Variants in KCTD15 observed in about 807,000 individuals in gnomAD.
KCTD15 encodes BTB/POZ domain-containing protein KCTD15.
In KCTD15, 11 loss-of-function variants were observed where a neutral mutation model predicts 27.2. The observed-to-expected ratio is 0.41, with a 90% CI of 0.25 to 0.67. The LOEUF is 0.67. Ranked by LOEUF, KCTD15 falls within the 30% of genes least tolerant of loss-of-function variation. The pLI is 0.35. For synonymous variants in KCTD15, 163 were observed against 176.0 expected, an observed-to-expected ratio of 0.93 and a Z score of 0.58; for missense variants, 350 against 409.3, an observed-to-expected ratio of 0.86 and a Z score of 1.25.
chr19:33,801,099 C>G, intron 3 of KCTD15, 68 bp from the exon 4 acceptor site: 1 of 1,428,452 alleles, frequency 7.0e-7, no homozygotes, highest in South Asian at 1.3e-5. Context: ...GAGTGCATGG[C>G]TGTGTTGTGG....
chr19:33,812,849 G>A lies in KCTD15; in HGVS notation c.753G>A (p.Val251=). 2 of 1,540,082 alleles carry A rather than the reference G, an allele frequency of 1.3e-6. No homozygotes were observed. Among genetic ancestry groups the A allele is most frequent in the Non-Finnish European group, 8.8e-7 (1 of 1,141,222 alleles). Residue 251 remains valine (V), a synonymous_variant, in exon 7 of 7, where the codon GTG becomes GTA. Coordinates refer to ENST00000683859, the MANE Select transcript of KCTD15 (RefSeq NM_001129994.2). The stretch of plus-strand genomic sequence containing the variant: ...TGGCTGCGTCCTGTGGGGGCGGTGT[G>A]GACTCCTCCCAGTTCAGCGAGTATG... ...FSVAASCGGG[V]DSSQFSEYVL...
intron 6 of KCTD15, chr19:33,811,900 A>G: frequency 6.3e-7 from 1 of 1,579,442 alleles, no homozygotes; most frequent in Non-Finnish European, 8.6e-7. Flanking sequence ...GAGGCAGGAC[A>G]GAGGCTGAGT....
At chr19:33,807,908 T>C (rs1418893148) in intron 5 of KCTD15, among the ~76,000 whole-genome samples, 2 of 151,042 alleles carry the variant, frequency 1.3e-5, no homozygotes, top group Non-Finnish European at 2.9e-5. Flanking sequence ...ATCACGTCAC[T>C]GCACTCCAGC....
rs1287469346 is a variant in KCTD15 at position 33,813,051 on chromosome 19, G to A, written c.*103G>A. ...CCGTGGGCATGAGACCGAGGGTGAG[G>A]CTGGAGGGTCCAAAGCTGGCCCAGC... On this transcript the variant is annotated 3_prime_UTR_variant, in exon 7 of 7. Transcript: ENST00000683859. 1 of 1,256,552 alleles carries A rather than the reference G, an allele frequency of 8.0e-7. No homozygotes were observed. The highest frequency in any genetic ancestry group is 1.3e-5 in the South Asian group (1 of 76,318). The allele number at this position is 1,256,552 out of a possible 1,614,324, so 77.8% of individuals were successfully genotyped here.
rs1403643386 is a variant in KCTD15 at position 33,815,151 on chromosome 19, A to C, written c.*2203A>C. ...GTGGTAGAGATTCTCGAACATTCTCAAACTCTCTTTTTGGGTAAATGATTG... is the reference window on the plus strand; with the variant it reads ...GTGGTAGAGATTCTCGAACATTCTCCAACTCTCTTTTTGGGTAAATGATTG... On this transcript the variant is annotated 3_prime_UTR_variant, in exon 7 of 7. Transcript: ENST00000683859. The C allele has an allele frequency of 6.6e-6, 1 of 152,222 alleles. No homozygotes were observed. Among genetic ancestry groups the C allele is most frequent in the Non-Finnish European group, 1.5e-5 (1 of 68,042 alleles). The allele number at this position is 152,222 out of a possible 1,614,324, so 9.4% of individuals were successfully genotyped here.
rs1039083697 is a variant in KCTD15, at chr19:33,813,575, G to A, written c.*627G>A. The stretch of plus-strand genomic sequence containing the variant: ...CTGCAGGGCTGCTGGGAGGAGAGTG[G>A]TGGGGGCCTGAGGGCTGAGTGATTC... On this transcript the variant is annotated 3_prime_UTR_variant, in exon 7 of 7. Transcript: ENST00000683859. 3 of 357,088 alleles carry A rather than the reference G, an allele frequency of 8.4e-6. No homozygotes were observed. The highest frequency in any genetic ancestry group is 4.3e-5 in the African/African-American group (2 of 46,530). 22.1% of individuals were successfully genotyped at this position (357,088 alleles called of 1,614,324 possible). A position where few individuals can be genotyped will look rare whatever the true frequency, so the allele number is the denominator to read the frequency against.
intron 3 of KCTD15, among the ~76,000 whole-genome samples, chr19:33,800,847 C>G (rs1975513053): frequency 6.6e-6 from 1 of 152,180 alleles, no homozygotes; most frequent in South Asian, 2.1e-4. Flanking sequence ...AACACATAAG[C>G]CCACGACCTT....
intron 6 of KCTD15, chr19:33,812,129 C>A (rs770125142): frequency 1.6e-6 from 2 of 1,267,404 alleles, no homozygotes; most frequent in South Asian, 4.7e-5. Flanking sequence ...GGGAAGAGGG[C>A]CCCCTGTGCA....
intron 1 of KCTD15, among the ~76,000 whole-genome samples, chr19:33,797,864 G>A (rs1008549212): frequency 1.2e-4 from 19 of 152,280 alleles, no homozygotes; most frequent in Admixed American, 1.1e-3. Context: ...GAACAAAAGC[G>A]CTTTTACGTC....
In KCTD15 at chr19:33,815,141, G is replaced by A. The variant is rs973139022; in HGVS notation, c.*2193G>A. Reference sequence around the variant, plus strand: ...TGGTTACCGAGTGGTAGAGATTCTCGAACATTCTCAAACTCTCTTTTTGGG... The same window carrying A: ...TGGTTACCGAGTGGTAGAGATTCTCAAACATTCTCAAACTCTCTTTTTGGG... On this transcript the variant is annotated 3_prime_UTR_variant, in exon 7 of 7. Transcript: ENST00000683859. 7 of 152,064 alleles carry A rather than the reference G, an allele frequency of 4.6e-5. No homozygotes were observed. Among genetic ancestry groups the A allele is most frequent in the African/African-American group, 7.3e-5 (3 of 41,374 alleles). 9.4% of individuals were successfully genotyped at this position (152,064 alleles called of 1,614,324 possible).
intron 5 of KCTD15, among the ~76,000 whole-genome samples, chr19:33,808,512 A>G (rs893155147): frequency 6.6e-6 from 1 of 152,022 alleles, no homozygotes; most frequent in African/African-American, 2.4e-5. Flanking sequence ...AGAACTGGAA[A>G]GAAGGTGTCA....
intron 3 of KCTD15, among the ~76,000 whole-genome samples, chr19:33,800,755 G>C (rs950081747): frequency 6.6e-6 from 1 of 152,136 alleles, no homozygotes; most frequent in Admixed American, 6.5e-5. Context: ...GAGGTGTCTC[G>C]TTACTGAGAC....
At position 33,797,290 on chromosome 19, in the gene KCTD15, G is replaced by GCGCGCC. The variant is rs1555728692; in HGVS notation, c.-127+308_-127+309insCCGCGC. 11 of 286,686 alleles carry GCGCGCC rather than the reference G, an allele frequency of 3.8e-5. No individual in the cohort carries two copies. In the Admixed American group the frequency reaches 4.5e-4, roughly 12 times the overall value. 17.8% of individuals were successfully genotyped at this position (286,686 alleles called of 1,614,324 possible). A position where few individuals can be genotyped will look rare whatever the true frequency, so the allele number is the denominator to read the frequency against. The stretch of plus-strand genomic sequence containing the variant: ...TGTGTGTGTGTGTGTGTGTGCGCGC[G>GCGCGCC]CGCGCGCGCGCGCTTGTGGAGGTCC... On this transcript the variant is annotated intron_variant, in intron 1 of 6. Coordinates refer to ENST00000683859, the MANE Select transcript of KCTD15 (RefSeq NM_001129994.2).
At chr19:33,808,826 G>T (rs1445747988) in intron 5 of KCTD15, among the ~76,000 whole-genome samples, 1 of 152,056 alleles carries the variant, frequency 6.6e-6, no homozygotes, top group Non-Finnish European at 1.5e-5. Context: ...AGAAGATGGA[G>T]CAAGGTGGCA....
At chr19:33,812,034 ATGGAGTG>A in intron 6 of KCTD15, 2 of 1,420,872 alleles carry the variant, frequency 1.4e-6, no homozygotes, top group South Asian at 3.2e-5. Context: ...GACAGCTCAG[ATGGAGTG>A]AGGGCCTATT....
chr19:33,797,263 TGTGTGTGTGTGTGTGTGTGTGC>T (rs1452001129), intron 1 of KCTD15: 7 of 282,916 alleles, frequency 2.5e-5, no homozygotes, highest in African/African-American at 1.5e-4. Flanking sequence ...TGTGTGTGTG[TGTGTGTGTGTGTGTGTGTGTGC>T]GCGCGCGCGC....
chr19:33,800,790 C>T (rs930690889), intron 3 of KCTD15, among the ~76,000 whole-genome samples: 1 of 152,144 alleles, frequency 6.6e-6, no homozygotes. Context: ...CCCCTGAATC[C>T]CAATTCACAA....
chr19:33,814,842 C>T lies in KCTD15; in HGVS notation c.*1894C>T, dbSNP rs192030810. 7.2e-5 allele frequency: 11 copies of T among 152,426 alleles called. No individual in the cohort carries two copies. Among genetic ancestry groups the T allele is most frequent in the African/African-American group, 2.4e-4 (10 of 41,596 alleles). 9.4% of individuals were successfully genotyped at this position (152,426 alleles called of 1,614,324 possible). A position where few individuals can be genotyped will look rare whatever the true frequency, so the allele number is the denominator to read the frequency against. ...CCTGCCCTCTAAGGGCCACCAGCTT[C>T]GACCTGCCTCAGGGGACAGCAGCAC... On this transcript the variant is annotated 3_prime_UTR_variant, in exon 7 of 7. Coordinates refer to ENST00000683859, the MANE Select transcript of KCTD15 (RefSeq NM_001129994.2).
chr19:33,812,674 G>A (rs556359360), intron 6 of KCTD15, 116 bp from the exon 7 acceptor site: 10 of 1,386,664 alleles, frequency 7.2e-6, no homozygotes, highest in Admixed American at 7.0e-5. Context: ...GACTGAGATC[G>A]TCACAGGAGA....
Sources: allele counts gnomAD v4.1 joint callset (sites outside exome capture counted in the v4.1 genomes callset), GRCh38; gene constraint gnomAD v4.1.1; transcripts MANE v1.5; gene names NCBI Gene and HGNC (gene_info 2026-07-23, HGNC 2026-07-21).